Variants in TTC39A observed in about 807,000 individuals in gnomAD.
The protein encoded by TTC39A is tetratricopeptide repeat domain 39A, also known as tetratricopeptide repeat protein 39A.
Under a neutral mutation model 82.3 loss-of-function variants are expected in TTC39A, and 46 were observed. That is an observed-to-expected ratio of 0.56 (90% CI 0.44 to 0.71). TTC39A has a LOEUF of 0.71. Ranked by LOEUF, TTC39A falls within the 30% of genes least tolerant of loss-of-function variation. TTC39A has a pLI of 0.00. For missense variants in TTC39A, 543 were observed against 712.9 expected (o/e 0.76, Z 2.71); for synonymous variants, 254 against 275.2 (o/e 0.92, Z 0.76).
chr1:51,309,270 T>A lies in TTC39A; in HGVS notation c.479A>T (p.Gln160Leu). 1 of 1,610,678 alleles carries A rather than the reference T, an allele frequency of 6.2e-7. No individual in the cohort carries two copies. The highest frequency in any genetic ancestry group is 8.5e-7 in the Non-Finnish European group (1 of 1,178,282). The change falls in exon 6 of 18, where the codon CAG becomes CTG. Residue 160 changes from glutamine to leucine, a missense_variant. Coordinates refer to ENST00000680483, the MANE Select transcript of TTC39A (RefSeq NM_001297663.2). ...GGCCAGCCCCACTCACTTGTAGGTC[T>A]GGTAGCTGTTTCGAACTTTGATGCC... ...KGGIKVRNSY[Q>L]TYKELDSLVQ... is the part of the protein sequence containing the mutation.
In TTC39A at chr1:51,317,162, C is replaced by A. The variant is rs1645314928; in HGVS notation, c.147-4219G>T. 4.6e-5 allele frequency among the ~76,000 whole-genome samples: 7 copies of A among 152,342 alleles called. No homozygotes were observed. In the South Asian group the frequency reaches 1.5e-3, roughly 32 times the overall value. ...CCCATGCAGAGAGAAAGAGGAGCACCATCCCCCACTGCATGGGACCAGGAC... is the reference window on the plus strand; with the variant it reads ...CCCATGCAGAGAGAAAGAGGAGCACAATCCCCCACTGCATGGGACCAGGAC... On this transcript the variant is annotated intron_variant, in intron 2 of 17. Coordinates refer to ENST00000680483, the MANE Select transcript of TTC39A (RefSeq NM_001297663.2).
intron 16 of TTC39A, among the ~76,000 whole-genome samples, 185 bp from the exon 17 acceptor site, chr1:51,289,140 T>C (rs1410813434): frequency 6.6e-6 from 1 of 152,130 alleles, no homozygotes; most frequent in African/African-American, 2.4e-5. Context: ...AACCTATGGC[T>C]CCTGTCATGT....
chr1:51,303,839 C>T (rs562206262), intron 8 of TTC39A, among the ~76,000 whole-genome samples: 1 of 152,366 alleles, frequency 6.6e-6, no homozygotes. Flanking sequence ...CACACTGCCT[C>T]ACCTCTGGGT....
rs1385491606 is a variant in TTC39A, at chr1:51,342,249, C to A, written c.53+2742G>T. 2.0e-5 allele frequency among the ~76,000 whole-genome samples: 3 copies of A among 152,162 alleles called. No homozygotes were observed. The East Asian group carries it at 5.8e-4, about 29-fold the overall frequency. On this transcript the variant is annotated intron_variant, in intron 1 of 5. Coordinates refer to the TTC39A transcript ENST00000401051. ...GTTCCCAGCTACCCAATCCTGGTGC[C>A]TGGAATCCCACCATTGACTCTGAAG...
At chr1:51,301,992 C>G (rs1644677602) in intron 11 of TTC39A, 1 of 660,668 alleles carries the variant, frequency 1.5e-6, no homozygotes, top group African/African-American at 1.8e-5. Flanking sequence ...AATGAAAGAG[C>G]AGGAGAGAGC....
At chr1:51,313,869 A>G (rs996661803) in intron 2 of TTC39A, among the ~76,000 whole-genome samples, 23 of 152,198 alleles carry the variant, frequency 1.5e-4, no homozygotes, top group African/African-American at 5.1e-4. Context: ...AAAGAAAGAA[A>G]TGCTCTTCCT....
At chr1:51,320,843 A>G (rs1645486070) in intron 2 of TTC39A, among the ~76,000 whole-genome samples, 1 of 149,456 alleles carries the variant, frequency 6.7e-6, no homozygotes. Flanking sequence ...AGAAAGCTAA[A>G]TTCTCATCTA....
At chr1:51,333,806 C>T (rs778016294), upstream of TTC39A, among the ~76,000 whole-genome samples, 10 of 152,294 alleles carry the variant, frequency 6.6e-5, no homozygotes, top group Middle Eastern at 6.8e-3. Flanking sequence ...ATCTCTGTGT[C>T]TCAGGGCCTG....
chr1:51,321,735 G>C lies in TTC39A; in HGVS notation c.132C>G (p.Ser44Arg). The C allele has an allele frequency of 6.2e-7, 1 of 1,613,964 alleles. No individual in the cohort carries two copies. The highest frequency in any genetic ancestry group is 8.5e-7 in the Non-Finnish European group (1 of 1,179,866). The change falls in exon 2 of 18, where the codon AGC becomes AGG. Residue 44 changes from serine to arginine, a missense_variant. By Grantham distance (110) the Ser-to-Arg change is moderately radical (BLOSUM62 -1). Transcript: ENST00000680483. The surrounding 1 kb of genome is among the most constrained non-coding windows in gnomAD (Gnocchi z 4.6). ...FLTNQFSEAL[S>R]YLKPRTKESM... Reference sequence around the variant, plus strand: ...TTGAGCCTCACCTGGGCTTGAGGTAGCTGAGTGCTTCTGAGAACTGGTTGG... The same window carrying C: ...TTGAGCCTCACCTGGGCTTGAGGTACCTGAGTGCTTCTGAGAACTGGTTGG...
At chr1:51,289,306 T>C (rs530628741) in intron 16 of TTC39A, among the ~76,000 whole-genome samples, 1 of 152,352 alleles carries the variant, frequency 6.6e-6, no homozygotes, top group East Asian at 1.9e-4. Flanking sequence ...CCTTGCCCGG[T>C]ACCCTTTCTG....
chr1:51,340,552 C>T (rs557651098), intron 1 of TTC39A, among the ~76,000 whole-genome samples: 24 of 152,208 alleles, frequency 1.6e-4, no homozygotes, highest in Non-Finnish European at 3.5e-4. Flanking sequence ...TCCTCTCCAG[C>T]CCATTGGCTG....
chr1:51,319,250 G>T (rs150634670), intron 2 of TTC39A, among the ~76,000 whole-genome samples: 1 of 152,174 alleles, frequency 6.6e-6, no homozygotes, highest in Non-Finnish European at 1.5e-5. Context: ...CAGAGATAAA[G>T]AAGTCAACAG....
At chr1:51,340,396 G>A (rs1373863279) in intron 1 of TTC39A, among the ~76,000 whole-genome samples, 1 of 152,202 alleles carries the variant, frequency 6.6e-6, no homozygotes, top group Non-Finnish European at 1.5e-5. Flanking sequence ...ATGAAAAACA[G>A]CAGGGGGACT....
At chr1:51,300,971 G>C (rs1414198908) in intron 12 of TTC39A, 3 of 152,242 alleles carry the variant, frequency 2.0e-5, no homozygotes, top group Non-Finnish European at 4.4e-5. Flanking sequence ...GAACCTTCCT[G>C]CAAAGATGCA....
At chr1:51,330,765 C>T (rs541198680), upstream of TTC39A, 545 of 465,422 alleles carry the variant, frequency 1.2e-3, no homozygotes, top group Middle Eastern at 6.9e-3. This position sits in a 1 kb window ranked among gnomAD's most constrained non-coding sequence, Gnocchi z 4.5. Context: ...GCAGACACCG[C>T]CCGGGCCGGG....
At chr1:51,314,133 C>T (rs1037693413) in intron 2 of TTC39A, among the ~76,000 whole-genome samples, 3 of 152,232 alleles carry the variant, frequency 2.0e-5, no homozygotes, top group African/African-American at 7.2e-5. Context: ...TGCTCCTTCA[C>T]CGACCCAGGC....
At chr1:51,311,367 C>T (rs1444377772) in intron 4 of TTC39A, 46 bp from the exon 5 acceptor site, 5 of 1,530,534 alleles carry the variant, frequency 3.3e-6, no homozygotes, top group African/African-American at 1.4e-5. Flanking sequence ...GGACTCTAGT[C>T]AGGAGGCCTG....
At chr1:51,304,980 G>T in intron 8 of TTC39A, 101 bp downstream of exon 8, 2 of 1,285,418 alleles carry the variant, frequency 1.6e-6, no homozygotes, top group East Asian at 2.4e-5. Context: ...GCTGAGCCAG[G>T]ATGGGCTCCT....
At chr1:51,338,598 CTTTTT>C (rs982499820) in intron 1 of TTC39A, among the ~76,000 whole-genome samples, 2 of 111,824 alleles carry the variant, frequency 1.8e-5, no homozygotes, top group Admixed American at 9.5e-5. Context: ...GGAGATTTAT[CTTTTT>C]TTTTTTTTTT....
Sources: allele counts gnomAD v4.1 joint callset (sites outside exome capture counted in the v4.1 genomes callset), GRCh38; gene constraint gnomAD v4.1.1; non-coding constraint Gnocchi (gnomAD v3.1); transcripts MANE v1.5; gene names NCBI Gene and HGNC (gene_info 2026-07-23, HGNC 2026-07-21).